The following DNAJC13 variants were observed in gnomAD, a reference collection of about 807,000 sequenced individuals.
The protein encoded by DNAJC13 is dnaJ homolog subfamily C member 13.
Under a neutral mutation model 290.5 loss-of-function variants are expected in DNAJC13, and 75 were observed. That is an observed-to-expected ratio of 0.26 (90% CI 0.21 to 0.31). The LOEUF (loss-of-function observed/expected upper bound fraction) is 0.31, where lower values mean the gene tolerates loss of function less well. Among genes scored for constraint, DNAJC13 ranks in the 10% least tolerant of loss-of-function variants. The pLI is 1.00. For synonymous variants in DNAJC13, 862 were observed against 892.0 expected (o/e 0.97, Z 0.60); for missense variants, 2,260 against 2,674.5 (o/e 0.85, Z 3.42).
chr3:132,439,448 T>A (rs535668505), intron 2 of DNAJC13, among the ~76,000 whole-genome samples: 2 of 151,832 alleles, frequency 1.3e-5, no homozygotes, highest in Non-Finnish European at 2.9e-5. Context: ...TGTTTTTTTT[T>A]TTTTCCCCTC....
At chr3:132,482,693 G>A (rs1443883060) in intron 27 of DNAJC13, among the ~76,000 whole-genome samples, 2 of 151,716 alleles carry the variant, frequency 1.3e-5, no homozygotes, top group Non-Finnish European at 2.9e-5. Context: ...GACTATCTTT[G>A]TTAAAATAAA....
chr3:132,527,638 G>GA (rs1936300624), intron 53 of DNAJC13, among the ~76,000 whole-genome samples: 2 of 152,234 alleles, frequency 1.3e-5, no homozygotes, highest in East Asian at 1.9e-4. Flanking sequence ...AACAGTACCT[G>GA]AAAAAAGAGG....
At chr3:132,424,779 G>A (rs1939048361) in intron 1 of DNAJC13, among the ~76,000 whole-genome samples, 1 of 151,968 alleles carries the variant, frequency 6.6e-6, no homozygotes, top group Non-Finnish European at 1.5e-5. Context: ...AGGCTAAGAT[G>A]GTAGGTACTA....
chr3:132,478,692 G>A (rs1403840833), intron 24 of DNAJC13, among the ~76,000 whole-genome samples: 1 of 152,224 alleles, frequency 6.6e-6, no homozygotes, highest in Non-Finnish European at 1.5e-5. Flanking sequence ...CCAGGAGGTT[G>A]AGGCTGCAGT....
intron 35 of DNAJC13, 138 bp downstream of exon 35, chr3:132,495,304 C>G: frequency 1.6e-6 from 1 of 608,584 alleles, no homozygotes; most frequent in Non-Finnish European, 2.8e-6. Flanking sequence ...AACTTCTGGC[C>G]ACATGCCCAT....
At chr3:132,521,724 C>T (rs574874439) in intron 48 of DNAJC13, among the ~76,000 whole-genome samples, 5 of 152,272 alleles carry the variant, frequency 3.3e-5, no homozygotes, top group South Asian at 4.2e-4. Context: ...CTTCTCTTGT[C>T]CTCTGTAGAG....
At chr3:132,536,562 T>A (rs946554557) in intron 55 of DNAJC13, among the ~76,000 whole-genome samples, 9 of 152,214 alleles carry the variant, frequency 5.9e-5, no homozygotes, top group African/African-American at 1.9e-4. Context: ...GAGCCCACAA[T>A]CAGAATTGCT....
At position 132,456,801 on chromosome 3, in the gene DNAJC13, G is replaced by T. The variant is rs1933612827; in HGVS notation, c.1318G>T (p.Ala440Ser). 6.2e-7 allele frequency: 1 copy of T among 1,613,082 alleles called. No homozygotes were observed. Among genetic ancestry groups the T allele is most frequent in the Non-Finnish European group, 8.5e-7 (1 of 1,179,672 alleles). Residue 440 changes from alanine (A) to serine (S), a missense_variant, in exon 12 of 56, where the codon GCT becomes TCT. Physicochemically the swap from Ala to Ser is moderately conservative, Grantham distance 99. Transcript: ENST00000260818. The stretch of plus-strand genomic sequence containing the variant: ...TGTGAGGAGGCTTGTGGCATCCAAA[G>T]CTGGTTTCCTGGCTTTCACTCAGCT... ...QAVRRLVASK[A>S]GFLAFTQLPK...
At chr3:132,478,246 C>A in intron 24 of DNAJC13, 106 bp downstream of exon 24, 2 of 937,962 alleles carry the variant, frequency 2.1e-6, no homozygotes, top group South Asian at 2.4e-5. Context: ...ATTACTGTAA[C>A]TTTCTGCATT....
At position 132,467,330 on chromosome 3, in the gene DNAJC13, C is replaced by T. The variant is rs1392434652; in HGVS notation, c.2208+17C>T. On this transcript the variant is annotated intron_variant, in intron 20 of 55. Transcript: ENST00000260818. ...CAAAAAGAGGTAAAAATAAAATTTG[C>T]TTCCAAATTCCTGGCACTTCTGTGT... 2.5e-6 allele frequency: 4 copies of T among 1,610,928 alleles called. No homozygotes were observed. Among genetic ancestry groups the T allele is most frequent in the Admixed American group, 3.3e-5 (2 of 59,780 alleles).
chr3:132,503,074 T>A (rs1935472309), intron 40 of DNAJC13, 140 bp from the exon 41 acceptor site: 1 of 785,130 alleles, frequency 1.3e-6, no homozygotes, highest in Non-Finnish European at 2.0e-6. Context: ...TTTACCTCAG[T>A]GGTAGGTACT....
intron 55 of DNAJC13, among the ~76,000 whole-genome samples, chr3:132,536,099 C>T (rs1415123055): frequency 5.9e-5 from 9 of 152,126 alleles, no homozygotes; most frequent in African/African-American, 1.9e-4. Flanking sequence ...TTTTTTCATC[C>T]GTCCCCAAGC....
chr3:132,425,966 C>A (rs1011246925), intron 1 of DNAJC13, among the ~76,000 whole-genome samples: 1 of 152,178 alleles, frequency 6.6e-6, no homozygotes, highest in East Asian at 1.9e-4. Context: ...CTTCTTCTCA[C>A]TGGACTCCCA....
chr3:132,507,430 A>G (rs1469996223), intron 43 of DNAJC13, 77 bp downstream of exon 43: 1 of 825,160 alleles, frequency 1.2e-6, no homozygotes. Context: ...TTCACACTTT[A>G]TAGAGGCACA....
intron 20 of DNAJC13, among the ~76,000 whole-genome samples, chr3:132,471,410 G>T (rs1322614456): frequency 6.8e-6 from 1 of 147,006 alleles, no homozygotes; most frequent in Non-Finnish European, 1.5e-5. Context: ...CTTCCCAGAT[G>T]GGGTGGCTGC....
chr3:132,510,582 G>A (rs1234510889), intron 43 of DNAJC13, among the ~76,000 whole-genome samples: 2 of 152,036 alleles, frequency 1.3e-5, no homozygotes, highest in Non-Finnish European at 2.9e-5. Flanking sequence ...AAAGAAGTGA[G>A]GCTTTGTTTT....
chr3:132,457,503 C>A, intron 13 of DNAJC13, 135 bp downstream of exon 13: 1 of 698,420 alleles, frequency 1.4e-6, no homozygotes, highest in Non-Finnish European at 2.4e-6. Context: ...GTTACTCAAA[C>A]CTTTGTTTAG....
At chr3:132,519,050 T>C (rs1936005496) in intron 48 of DNAJC13, among the ~76,000 whole-genome samples, 1 of 152,210 alleles carries the variant, frequency 6.6e-6, no homozygotes, top group Admixed American at 6.5e-5. Context: ...TTGGTATCCA[T>C]TTATCTCAAT....
intron 36 of DNAJC13, 108 bp from the exon 37 acceptor site, chr3:132,499,018 A>C: frequency 9.4e-7 from 1 of 1,065,300 alleles, no homozygotes; most frequent in Non-Finnish European, 1.3e-6. Context: ...GCCTGGCCCC[A>C]TTTTTATTTT....
Sources: allele counts gnomAD v4.1 joint callset (sites outside exome capture counted in the v4.1 genomes callset), GRCh38; gene constraint gnomAD v4.1.1; transcripts MANE v1.5; gene names NCBI Gene and HGNC (gene_info 2026-07-23, HGNC 2026-07-21).